VWA8: variants seen among roughly 807,000 people sequenced by gnomAD.
VWA8 encodes von Willebrand factor A domain-containing protein 8.
In VWA8, 221 loss-of-function variants were observed where a neutral mutation model predicts 241.5. The observed-to-expected ratio is 0.91, with a 90% CI of 0.82 to 1.02. The LOEUF is 1.02. Among genes scored for constraint, VWA8 ranks in the 50% least tolerant of loss-of-function variants. VWA8 has a pLI of 0.00. For synonymous variants in VWA8, 852 were observed against 827.1 expected (o/e 1.03, Z -0.52); for missense variants, 2,322 against 2,328.7 (o/e 1.00, Z 0.06).
intron 4 of VWA8, chr13:41,905,196 T>A (rs559893209): frequency 6.6e-6 from 1 of 152,032 alleles, no homozygotes; most frequent in East Asian, 1.9e-4. Context: ...AAGGATGACA[T>A]GCAAATTCAT....
At chr13:41,572,812 A>G (rs1489298494) in intron 43 of VWA8, among the ~76,000 whole-genome samples, 3 of 150,594 alleles carry the variant, frequency 2.0e-5, no homozygotes, top group African/African-American at 7.3e-5. Flanking sequence ...AAAAAAAAAA[A>G]AAAAAAAAAG....
chr13:41,641,527 TG>T (rs140933111), intron 37 of VWA8, among the ~76,000 whole-genome samples: 7,189 of 152,202 alleles, frequency 0.047, 225 homozygotes, highest in East Asian at 0.16. Context: ...TGGAGTTCTT[TG>T]GAATTCTGAC....
At chr13:41,918,836 T>A (rs573481450) in intron 2 of VWA8, among the ~76,000 whole-genome samples, 33 of 152,290 alleles carry the variant, frequency 2.2e-4, no homozygotes, top group Admixed American at 4.6e-4. Flanking sequence ...AGTCATTTTT[T>A]AAAACACTAG....
intron 2 of VWA8, among the ~76,000 whole-genome samples, chr13:41,935,102 A>G (rs1187866044): frequency 6.6e-6 from 1 of 152,114 alleles, no homozygotes; most frequent in Non-Finnish European, 1.5e-5. Flanking sequence ...CTGCAAAGTA[A>G]TAACAGCCAT....
rs1177066515 is a variant in VWA8 at position 41,777,980 on chromosome 13, C to T, written c.2349+5G>A. On this transcript the variant is annotated splice_donor_5th_base_variant and intron_variant, in intron 20 of 44. Transcript: ENST00000379310. Reference sequence around the variant, plus strand: ...ATTGGTACCTAGATTTTAGCCATAACTCACCTGGTTGCCAACCAATAATAA... The same window carrying T: ...ATTGGTACCTAGATTTTAGCCATAATTCACCTGGTTGCCAACCAATAATAA... The T allele has an allele frequency of 6.2e-7, 1 of 1,607,260 alleles. No individual in the cohort carries two copies. The highest frequency in any genetic ancestry group is 1.1e-5 in the South Asian group (1 of 89,670).
intron 12 of VWA8, among the ~76,000 whole-genome samples, chr13:41,861,930 G>T (rs759473920): frequency 2.0e-5 from 3 of 152,200 alleles, no homozygotes; most frequent in African/African-American, 2.4e-5. Flanking sequence ...ATTTTTCACA[G>T]AATTAGAAAA....
chr13:41,706,011 G>A (rs945207301), intron 26 of VWA8, among the ~76,000 whole-genome samples: 5 of 152,068 alleles, frequency 3.3e-5, no homozygotes, highest in African/African-American at 9.7e-5. Context: ...ATTTAATTCA[G>A]GGGAGATCAT....
At chr13:41,837,071 A>AGATAGATG (rs1403780940) in intron 12 of VWA8, among the ~76,000 whole-genome samples, 7 of 148,262 alleles carry the variant, frequency 4.7e-5, no homozygotes, top group Admixed American at 4.0e-4. Context: ...ATAGATAGAT[A>AGATAGATG]GATAGATAGA....
chr13:41,878,469 TG>T (rs775287851), intron 9 of VWA8, among the ~76,000 whole-genome samples: 1 of 151,936 alleles, frequency 6.6e-6, no homozygotes, highest in Non-Finnish European at 1.5e-5. Context: ...CTATTTAAGA[TG>T]CTAATCTGGT....
chr13:41,960,234 C>T (rs1878546635), intron 1 of VWA8, among the ~76,000 whole-genome samples: 1 of 152,184 alleles, frequency 6.6e-6, no homozygotes, highest in East Asian at 1.9e-4. Context: ...ATCACTTTTC[C>T]CTTCTGGGTT....
At chr13:41,720,013 G>A (rs1010443924) in intron 25 of VWA8, among the ~76,000 whole-genome samples, 7 of 151,932 alleles carry the variant, frequency 4.6e-5, no homozygotes, top group African/African-American at 1.7e-4. Flanking sequence ...AGATCCTGGT[G>A]TCAGTGATTG....
At position 41,755,114 on chromosome 13, in the gene VWA8, T is replaced by C. The variant is rs149357760; in HGVS notation, c.2426+6014A>G. 1.1e-4 allele frequency among the ~76,000 whole-genome samples: 16 copies of C among 152,224 alleles called. No homozygotes were observed. The East Asian group carries it at 2.5e-3, about 24-fold the overall frequency. ...TTCAATATACCGATTTTCTTTCTTG[T>C]GGGTATATACCCAGCAGTGGGATTG... is the stretch of plus-strand genomic sequence containing the variant. On this transcript the variant is annotated intron_variant, in intron 21 of 44. Coordinates refer to ENST00000379310, the MANE Select transcript of VWA8 (RefSeq NM_015058.2).
chr13:41,868,893 A>AC, intron 9 of VWA8, among the ~76,000 whole-genome samples: 1 of 150,626 alleles, frequency 6.6e-6, no homozygotes, highest in South Asian at 2.1e-4. Flanking sequence ...GTCTCAAAAA[A>AC]AAAAAAAAAA....
intron 36 of VWA8, 148 bp downstream of exon 36, chr13:41,675,067 C>G (rs991050400): frequency 3.7e-6 from 2 of 540,476 alleles, no homozygotes. Flanking sequence ...TTCAGAAGAA[C>G]AGCAAGATAG....
intron 37 of VWA8, among the ~76,000 whole-genome samples, chr13:41,616,983 T>G (rs6561007): frequency 0.13 from 20,276 of 152,072 alleles, 1,965 homozygotes; most frequent in African/African-American, 0.28. Flanking sequence ...TCTATATGAG[T>G]CTGGGCGCAG....
chr13:41,793,924 T>C (rs1182695355), intron 17 of VWA8, among the ~76,000 whole-genome samples: 1 of 152,232 alleles, frequency 6.6e-6, no homozygotes, highest in Admixed American at 6.5e-5. Flanking sequence ...TTTCGTCAGG[T>C]TTGTCAAAGA....
At chr13:41,601,900 T>C (rs2044524351) in intron 40 of VWA8, among the ~76,000 whole-genome samples, 1 of 152,146 alleles carries the variant, frequency 6.6e-6, no homozygotes, top group African/African-American at 2.4e-5. Flanking sequence ...TCTCAAGTGA[T>C]GATTTGCTAG....
intron 21 of VWA8, among the ~76,000 whole-genome samples, chr13:41,758,397 A>AGTGT (rs1363449644): frequency 2.3e-4 from 2 of 8,630 alleles, no homozygotes; most frequent in African/African-American, 6.5e-4. Flanking sequence ...TATATACGCT[A>AGTGT]GTATATATAT....
chr13:41,903,529 G>T (rs1416072958), intron 4 of VWA8, among the ~76,000 whole-genome samples: 1 of 152,094 alleles, frequency 6.6e-6, no homozygotes, highest in East Asian at 1.9e-4. Flanking sequence ...ATTTGGAAAG[G>T]GGGTAGGCAT....
Sources: gnomAD v4.1 joint callset for allele counts (sites outside exome capture counted in the v4.1 genomes callset) on GRCh38, gnomAD v4.1.1 for gene constraint, MANE v1.5 for transcripts, NCBI Gene and HGNC (gene_info 2026-07-23, HGNC 2026-07-21) for gene names.